The following WDR59 variants were observed in gnomAD, a reference collection of about 807,000 sequenced individuals.
WDR59 encodes GATOR2 complex protein WDR59.
WDR59 carries 100 observed loss-of-function variants against 131.2 expected under a neutral mutation model. The observed-to-expected ratio is 0.76, with a 90% confidence interval of 0.65 to 0.90. WDR59 has a LOEUF of 0.90. WDR59 is among the 40% of genes least tolerant of loss of function. The pLI, the probability that WDR59 is intolerant of heterozygous loss-of-function variation, is 0.00. For missense variants in WDR59, 1,203 were observed against 1,262.2 expected, an observed-to-expected ratio of 0.95 and a Z score of 0.71; for synonymous variants, 601 against 466.2, an observed-to-expected ratio of 1.29 and a Z score of -3.72.
intron 25 of WDR59, 50 bp downstream of exon 25, chr16:74,885,589 GTGGACATATTAAAT>G: frequency 6.3e-7 from 1 of 1,575,154 alleles, no homozygotes; most frequent in Non-Finnish European, 8.6e-7. Context: ...GTCTGAGGCT[GTGGACATATTAAAT>G]TACAGGATCT....
chr16:74,953,472 C>CAAA (rs59976539), intron 3 of WDR59, among the ~76,000 whole-genome samples: 2 of 97,274 alleles, frequency 2.1e-5, no homozygotes, highest in Non-Finnish European at 4.2e-5. Context: ...GACTCCGTCT[C>CAAA]AAAAAAAAAA....
intron 1 of WDR59, among the ~76,000 whole-genome samples, chr16:74,970,820 C>T (rs566321920): frequency 4.8e-4 from 73 of 151,698 alleles, no homozygotes; most frequent in African/African-American, 1.5e-3. Context: ...GGGAAGCCAA[C>T]GCAGGAGGAT....
At chr16:74,930,000 A>C (rs1406105424) in intron 8 of WDR59, among the ~76,000 whole-genome samples, 1 of 152,174 alleles carries the variant, frequency 6.6e-6, no homozygotes, top group Non-Finnish European at 1.5e-5. Context: ...ACTCATGAAG[A>C]TAGAGAGCAG....
At chr16:74,969,662 C>T (rs541637564) in intron 1 of WDR59, among the ~76,000 whole-genome samples, 5 of 151,758 alleles carry the variant, frequency 3.3e-5, no homozygotes, top group Admixed American at 6.6e-5. Flanking sequence ...CTCTGCCTCC[C>T]GCGTTAAAGT....
chr16:74,940,931 C>T (rs2032169611), intron 7 of WDR59, among the ~76,000 whole-genome samples: 1 of 152,006 alleles, frequency 6.6e-6, no homozygotes, highest in Non-Finnish European at 1.5e-5. Flanking sequence ...GTCTCGATCT[C>T]CTGACCTCGT....
At chr16:74,935,996 CA>C (rs879688847) in intron 8 of WDR59, among the ~76,000 whole-genome samples, 3,636 of 105,932 alleles carry the variant, frequency 0.034, 87 homozygotes, top group African/African-American at 0.095. Flanking sequence ...GACTCCACCT[CA>C]AAAAAAAAAA....
In WDR59 at chr16:74,874,432, T is replaced by G. The variant is rs1416914138; in HGVS notation, c.2702A>C (p.Tyr901Ser). The change falls in exon 26 of 26, where the codon TAC (tyrosine) becomes TCC (serine). Residue 901 changes from tyrosine (Y) to serine (S), a missense_variant. Tyr to Ser is a moderately radical substitution (Grantham distance 144, BLOSUM62 -2). Coordinates refer to ENST00000262144, the MANE Select transcript of WDR59 (RefSeq NM_030581.4). ...GACCTCACTCCGGCAGTGGCTGCAGTACACGCCGAACTCTGGAAATGGGCA... is the reference window on the plus strand; with the variant it reads ...GACCTCACTCCGGCAGTGGCTGCAGGACACGCCGAACTCTGGAAATGGGCA... ...DPHKGIEFGV[Y>S]CSHCRSEVRG... 5.6e-6 allele frequency: 9 copies of G among 1,613,700 alleles called. No individual in the cohort carries two copies. Among genetic ancestry groups the G allele is most frequent in the Non-Finnish European group, 7.6e-6 (9 of 1,179,976 alleles).
At chr16:74,941,071 G>A (rs1479081426) in intron 7 of WDR59, among the ~76,000 whole-genome samples, 2 of 151,944 alleles carry the variant, frequency 1.3e-5, no homozygotes, top group Non-Finnish European at 2.9e-5. Context: ...AAGGCCAGGA[G>A]CAGTGGCTCA....
intron 1 of WDR59, among the ~76,000 whole-genome samples, chr16:74,967,055 G>A (rs924867077): frequency 6.6e-6 from 1 of 152,166 alleles, no homozygotes; most frequent in African/African-American, 2.4e-5. Flanking sequence ...TATCAACGAA[G>A]AATCCATTTT....
intron 18 of WDR59, among the ~76,000 whole-genome samples, chr16:74,895,549 C>T (rs531491722): frequency 6.6e-6 from 1 of 152,322 alleles, no homozygotes; most frequent in East Asian, 1.9e-4. Context: ...AGGCATGAGC[C>T]ACCACGCCCG....
chr16:74,932,512 A>G (rs2031477650), intron 8 of WDR59, among the ~76,000 whole-genome samples: 1 of 151,774 alleles, frequency 6.6e-6, no homozygotes, highest in Non-Finnish European at 1.5e-5. Flanking sequence ...TATCTGAGAC[A>G]GGGTCTCACT....
At chr16:74,893,608 T>C in intron 19 of WDR59, 71 bp downstream of exon 19, 1 of 1,402,342 alleles carries the variant, frequency 7.1e-7, no homozygotes, top group Non-Finnish European at 9.7e-7. Flanking sequence ...ATTCCCACAC[T>C]CAAAAAAAAA....
At chr16:74,946,536 A>C (rs1441588790) in intron 6 of WDR59, among the ~76,000 whole-genome samples, 1 of 152,086 alleles carries the variant, frequency 6.6e-6, no homozygotes, top group African/African-American at 2.4e-5. Flanking sequence ...AGCCTGGCCA[A>C]CAAGGTAAAA....
chr16:74,884,537 G>A (rs1243646381), intron 25 of WDR59, among the ~76,000 whole-genome samples: 1 of 152,114 alleles, frequency 6.6e-6, no homozygotes, highest in African/African-American at 2.4e-5. Flanking sequence ...TAGTAGAGAC[G>A]GGGTTTCACC....
chr16:74,945,872 G>A (rs559958643), intron 6 of WDR59, among the ~76,000 whole-genome samples: 2 of 147,126 alleles, frequency 1.4e-5, no homozygotes, highest in South Asian at 2.2e-4. Flanking sequence ...AGGCTAGAGT[G>A]CAATGGCGTG....
chr16:74,927,587 CAAAAAAAAA>C (rs370386044), intron 8 of WDR59, among the ~76,000 whole-genome samples: 1 of 57,962 alleles, frequency 1.7e-5, no homozygotes. Flanking sequence ...GACTCCATCT[CAAAAAAAAA>C]AAAAAAAAAA....
chr16:74,892,201 T>A (rs1300761201), intron 20 of WDR59, among the ~76,000 whole-genome samples: 1 of 152,134 alleles, frequency 6.6e-6, no homozygotes, highest in Non-Finnish European at 1.5e-5. Context: ...GAAATAGACA[T>A]GCAAGTTTAG....
At chr16:74,953,223 G>A (rs978607705) in intron 3 of WDR59, among the ~76,000 whole-genome samples, 10 of 152,256 alleles carry the variant, frequency 6.6e-5, no homozygotes, top group African/African-American at 2.2e-4. Flanking sequence ...TGTAATCCCA[G>A]CACTTTGGGA....
intron 16 of WDR59, 27 bp from the exon 17 acceptor site, chr16:74,909,004 A>C: frequency 6.2e-7 from 1 of 1,602,266 alleles, no homozygotes; most frequent in African/African-American, 1.3e-5. Flanking sequence ...CACATGAGCC[A>C]TCAGTGTCAA....
Sources: gnomAD v4.1 joint callset for allele counts (sites outside exome capture counted in the v4.1 genomes callset) on GRCh38, gnomAD v4.1.1 for gene constraint, MANE v1.5 for transcripts, NCBI Gene and HGNC (gene_info 2026-07-23, HGNC 2026-07-21) for gene names.